USH2A: variants seen among roughly 807,000 people sequenced by gnomAD.
The protein encoded by USH2A is Usher syndrome 2A (autosomal recessive, mild).
In USH2A, 443 loss-of-function variants were observed where a neutral mutation model predicts 538.9. The ratio of observed to expected loss-of-function variants is 0.82; its 90% CI spans 0.76 to 0.89. The LOEUF (loss-of-function observed/expected upper bound fraction) is 0.89. USH2A is among the 40% of genes least tolerant of loss of function. The pLI is 0.00. For synonymous variants in USH2A, 2,413 were observed against 2,273.5 expected (o/e 1.06, Z -1.75); for missense variants, 6,633 against 6,324.8 (o/e 1.05, Z -1.65).
chr1:216,046,239 ATAGT>A (rs752344461), intron 32 of USH2A, among the ~76,000 whole-genome samples, 188 bp downstream of exon 32: 2 of 152,106 alleles, frequency 1.3e-5, no homozygotes, highest in East Asian at 3.8e-4. Flanking sequence ...TGCTATGTAA[ATAGT>A]TGTTATACTA....
intron 70 of USH2A, chr1:215,630,007 C>T (rs1571915728): frequency 2.1e-6 from 1 of 465,170 alleles, no homozygotes; most frequent in Non-Finnish European, 4.2e-6. Context: ...GATCTCCTGA[C>T]CTTGTGATCC....
intron 38 of USH2A, among the ~76,000 whole-genome samples, chr1:215,932,891 T>A (rs771030116): frequency 6.6e-6 from 1 of 152,016 alleles, no homozygotes; most frequent in Non-Finnish European, 1.5e-5. Context: ...ATTAACCCTT[T>A]TACTGACAGG....
At chr1:215,881,754 A>G (rs1333536870) in intron 41 of USH2A, among the ~76,000 whole-genome samples, 1 of 152,218 alleles carries the variant, frequency 6.6e-6, no homozygotes, top group Non-Finnish European at 1.5e-5. Flanking sequence ...TAAAATGTTT[A>G]TTTCAGAGAT....
intron 49 of USH2A, among the ~76,000 whole-genome samples, chr1:215,812,444 A>T (rs185451101): frequency 3.9e-5 from 6 of 152,286 alleles, no homozygotes; most frequent in Admixed American, 3.3e-4. Flanking sequence ...CCATCAGGTG[A>T]TTGCACGCCT....
At chr1:216,125,863 C>G (rs954572552) in intron 21 of USH2A, among the ~76,000 whole-genome samples, 2 of 152,146 alleles carry the variant, frequency 1.3e-5, no homozygotes, top group Non-Finnish European at 2.9e-5. Context: ...TCCTTAATTC[C>G]TTAATTCAAT....
chr1:216,168,917 C>A (rs1306260891), intron 21 of USH2A, among the ~76,000 whole-genome samples: 2 of 152,092 alleles, frequency 1.3e-5, no homozygotes. Context: ...CACTTCCCAA[C>A]CCCTTACCAG....
In USH2A at chr1:216,155,397, A is replaced by T. The variant is rs549902486; in HGVS notation, c.4627+19855T>A. ...GTGACTTCCCCAATTGCTCCTATAG[A>T]TAACATCACTATTGTAAAACCCAAG... On this transcript the variant is annotated intron_variant, in intron 21 of 71. Coordinates refer to ENST00000307340, the MANE Select transcript of USH2A (RefSeq NM_206933.4). Among the ~76,000 whole-genome samples the T allele has an allele frequency of 3.3e-5, 5 of 152,330 alleles. No homozygotes were observed. In the East Asian group the frequency reaches 9.7e-4, roughly 29 times the overall value.
chr1:215,632,815 A>G lies in USH2A; in HGVS notation c.15297+1644T>C, dbSNP rs142898086. ...AGAAAGTTATTCTTTAACAAGGAAA[A>G]ATTTTGAAATATCTGCTCTTCAGTG... On this transcript the variant is annotated intron_variant, in intron 70 of 71. Coordinates refer to ENST00000307340, the MANE Select transcript of USH2A (RefSeq NM_206933.4). Among the ~76,000 whole-genome samples the G allele has an allele frequency of 6.3e-3, 954 of 152,246 alleles. 10 individuals are homozygous for G. Among genetic ancestry groups the G allele is most frequent in the African/African-American group, 0.022 (907 of 41,550 alleles).
intron 9 of USH2A, among the ~76,000 whole-genome samples, chr1:216,311,880 A>T (rs1034146777): frequency 6.6e-6 from 1 of 152,108 alleles, no homozygotes; most frequent in Non-Finnish European, 1.5e-5. Context: ...TCACTTACAC[A>T]CATGCTATAA....
intron 65 of USH2A, among the ~76,000 whole-genome samples, chr1:215,649,722 A>C (rs1158358460): frequency 6.6e-6 from 1 of 152,158 alleles, no homozygotes; most frequent in Non-Finnish European, 1.5e-5. Context: ...ACTTGCCCAA[A>C]TTGTTCCCTA....
intron 16 of USH2A, 35 bp from the exon 17 acceptor site, chr1:216,200,156 A>G (rs775721485): frequency 5.0e-6 from 8 of 1,593,106 alleles, no homozygotes; most frequent in Non-Finnish European, 6.0e-6. Context: ...ACAAAGTTAC[A>G]TTTCACAAGT....
chr1:216,278,079 G>C (rs2036704384), intron 11 of USH2A, among the ~76,000 whole-genome samples: 1 of 152,098 alleles, frequency 6.6e-6, no homozygotes. Context: ...GCACTTACTA[G>C]TTAAATCAGT....
chr1:216,094,348 TA>T (rs2032386655), intron 22 of USH2A, among the ~76,000 whole-genome samples: 1 of 152,172 alleles, frequency 6.6e-6, no homozygotes, highest in Non-Finnish European at 1.5e-5. Context: ...AACGTCAGTA[TA>T]ATCTATTCCC....
At chr1:215,735,632 G>T (rs907636829) in intron 60 of USH2A, among the ~76,000 whole-genome samples, 3 of 152,106 alleles carry the variant, frequency 2.0e-5, no homozygotes, top group Non-Finnish European at 2.9e-5. Context: ...ATCACTGATA[G>T]CCTAATATTT....
intron 65 of USH2A, among the ~76,000 whole-genome samples, 193 bp downstream of exon 65, chr1:215,650,399 T>C (rs535198136): frequency 2.0e-4 from 30 of 152,322 alleles, no homozygotes; most frequent in Non-Finnish European, 2.9e-4. Flanking sequence ...AGAGTTTACA[T>C]ACTTTCTGTA....
In USH2A at chr1:216,302,877, TG is replaced by T. The variant is rs2037241115; in HGVS notation, c.1645-10508del. 6.6e-5 allele frequency among the ~76,000 whole-genome samples: 10 copies of T among 152,200 alleles called. No homozygotes were observed. The South Asian group carries it at 1.9e-3, about 28-fold the overall frequency. Reference sequence around the variant, plus strand: ...TATTCGGATAATCCTTCAGTCTACATGTTGTCTATATATAAATATAATTGAT... The same window carrying T: ...TATTCGGATAATCCTTCAGTCTACATTTGTCTATATATAAATATAATTGAT... On this transcript the variant is annotated intron_variant, in intron 9 of 71. Transcript: ENST00000307340.
At chr1:216,219,572 T>C (rs147012027) in intron 14 of USH2A, among the ~76,000 whole-genome samples, 165 of 152,140 alleles carry the variant, frequency 1.1e-3, no homozygotes, top group African/African-American at 3.7e-3. Flanking sequence ...AACAAAATTA[T>C]ACATAATAAA....
intron 20 of USH2A, among the ~76,000 whole-genome samples, chr1:216,178,384 A>G (rs1237212578): frequency 6.6e-5 from 10 of 152,176 alleles, no homozygotes; most frequent in Non-Finnish European, 4.4e-5. Flanking sequence ...TCTCACTTCA[A>G]AATAATCCAA....
intron 4 of USH2A, among the ~76,000 whole-genome samples, chr1:216,336,578 T>G (rs1054674200): frequency 6.6e-6 from 1 of 151,536 alleles, no homozygotes; most frequent in Non-Finnish European, 1.5e-5. Context: ...GCATACCTAC[T>G]GCATTTCAGT....
Sources: gnomAD v4.1 joint callset for allele counts (sites outside exome capture counted in the v4.1 genomes callset) on GRCh38, gnomAD v4.1.1 for gene constraint, MANE v1.5 for transcripts, NCBI Gene and HGNC (gene_info 2026-07-23, HGNC 2026-07-21) for gene names.